DOCK1: variants seen among roughly 807,000 people sequenced by gnomAD.
The protein encoded by DOCK1 is dedicator of cytokinesis 1.
DOCK1 carries 138 observed loss-of-function variants against 262.7 expected under a neutral mutation model. The observed-to-expected ratio is 0.53, with a 90% CI of 0.46 to 0.61. The LOEUF is 0.61. Among genes scored for constraint, DOCK1 ranks in the 20% least tolerant of loss-of-function variants. The probability of loss-of-function intolerance (pLI) is 0.00; values close to 1 mark genes in which losing one functional copy is unlikely to be tolerated. For missense variants in DOCK1, 1,908 were observed against 2,370.7 expected (o/e 0.80, Z 4.05); for synonymous variants, 866 against 867.4 (o/e 1.00, Z 0.03).
chr10:127,301,862 C>A (rs979460638), intron 29 of DOCK1, among the ~76,000 whole-genome samples: 2 of 151,176 alleles, frequency 1.3e-5, no homozygotes, highest in African/African-American at 4.9e-5. Context: ...AGGAGAATCA[C>A]TTGAACCCAG....
chr10:127,152,020 TA>T (rs777753029), intron 27 of DOCK1, among the ~76,000 whole-genome samples: 23,385 of 152,178 alleles, frequency 0.15, 2,239 homozygotes, highest in African/African-American at 0.27. Context: ...CATATATATA[TA>T]TATTTTTTTT....
rs1302341847 is a variant in DOCK1 at position 126,938,945 on chromosome 10, TG to T, written c.47-31750del. On this transcript the variant is annotated intron_variant, in intron 1 of 51. Transcript: ENST00000623213. ...AGGATGAACACGGGGGGACGAACAC[TG>T]GGGGGGCGAACACCTGGGGGGACAA... is the stretch of plus-strand genomic sequence containing the variant. 1.0e-3 allele frequency among the ~76,000 whole-genome samples: 40 copies of T among 39,004 alleles called. No homozygotes were observed. In the South Asian group the frequency reaches 0.011, roughly 11 times the overall value. 25.6% of individuals were successfully genotyped at this position (39,004 alleles called of 152,430 possible).
chr10:127,166,130 A>G (rs969152323), intron 27 of DOCK1, among the ~76,000 whole-genome samples: 3 of 152,156 alleles, frequency 2.0e-5, no homozygotes, highest in African/African-American at 4.8e-5. Context: ...CAGGGGCACA[A>G]TCTCGGCTCA....
intron 27 of DOCK1, among the ~76,000 whole-genome samples, chr10:127,186,507 G>GACCCCCCCCCCC (rs2056257465): frequency 1.7e-4 from 1 of 5,912 alleles, no homozygotes; most frequent in Non-Finnish European, 5.3e-4. Context: ...GGGAGAAACC[G>GACCCCCCCCCCC]CCCCCCCGCC....
At chr10:127,090,978 A>G (rs1233260353) in intron 23 of DOCK1, among the ~76,000 whole-genome samples, 1 of 129,770 alleles carries the variant, frequency 7.7e-6, no homozygotes, top group South Asian at 2.4e-4. Context: ...TTGAACGTCT[A>G]TTTGGTTTTT....
At chr10:127,312,443 TG>T (rs2062096606) in intron 29 of DOCK1, among the ~76,000 whole-genome samples, 1 of 152,182 alleles carries the variant, frequency 6.6e-6, no homozygotes, top group South Asian at 2.1e-4. Context: ...GGGCACAGGC[TG>T]CTTCTTGCAT....
chr10:127,127,492 T>C (rs1434730712), intron 26 of DOCK1, among the ~76,000 whole-genome samples, 177 bp from the exon 27 acceptor site: 3 of 152,216 alleles, frequency 2.0e-5, no homozygotes, highest in Admixed American at 6.5e-5. Context: ...CTATAATTAA[T>C]AAAAACCCCT....
At chr10:126,918,894 G>A (rs957169819) in intron 1 of DOCK1, among the ~76,000 whole-genome samples, 1 of 151,976 alleles carries the variant, frequency 6.6e-6, no homozygotes, top group Non-Finnish European at 1.5e-5. Flanking sequence ...TGGGCACGGA[G>A]GATTCGGACA....
Position 127,451,630 on chromosome 10 carries a change from G to A in DOCK1, c.*203G>A, listed in dbSNP as rs1359058423. 1 of 1,286,752 alleles carries A rather than the reference G, an allele frequency of 7.8e-7. No individual in the cohort carries two copies. Among genetic ancestry groups the A allele is most frequent in the African/African-American group, 1.5e-5 (1 of 67,052 alleles). 79.7% of individuals were successfully genotyped at this position (1,286,752 alleles called of 1,614,324 possible). A position where few individuals can be genotyped will look rare whatever the true frequency, so the allele number is the denominator to read the frequency against. The stretch of plus-strand genomic sequence containing the variant: ...TGGAGCAAGGTGGGTCTGGGAGGTA[G>A]ATATGGGTCCGGGATGTGCTATCGT... On this transcript the variant is annotated 3_prime_UTR_variant, in exon 52 of 52. Transcript: ENST00000623213.
chr10:127,420,026 T>C (rs2068404106), intron 46 of DOCK1, among the ~76,000 whole-genome samples: 1 of 152,202 alleles, frequency 6.6e-6, no homozygotes, highest in African/African-American at 2.4e-5. Context: ...GAAAACTTTT[T>C]CTCTGTCTGT....
rs2033941770 is a variant in DOCK1, at chr10:126,928,500, C to CCA, written c.46+22937_46+22938insCA. On this transcript the variant is annotated intron_variant, in intron 1 of 51. Transcript: ENST00000623213. Reference sequence around the variant, plus strand: ...AGAGGAGGGACACATGAGAACTCAGCTGTGTCCTGAGAGCTGTGTCCTCGG... The same window carrying CCA: ...AGAGGAGGGACACATGAGAACTCAGCCATGTGTCCTGAGAGCTGTGTCCTCGG... Among the ~76,000 whole-genome samples the CCA allele has an allele frequency of 6.4e-4, 97 of 151,384 alleles. 4 individuals carry two copies. Among genetic ancestry groups the CCA allele is most frequent in the African/African-American group, 2.2e-3 (91 of 40,896 alleles).
chr10:127,350,652 G>A (rs183182286), intron 31 of DOCK1, among the ~76,000 whole-genome samples: 11 of 152,020 alleles, frequency 7.2e-5, no homozygotes, highest in Admixed American at 2.6e-4. Context: ...ATTAATGTTC[G>A]TCTCTCCTAC....
intron 27 of DOCK1, 126 bp from the exon 28 acceptor site, chr10:127,247,882 G>A: frequency 1.2e-6 from 1 of 834,274 alleles, no homozygotes; most frequent in South Asian, 1.7e-5. Context: ...GCAGAACCCA[G>A]GGCTCCCTGC....
intron 1 of DOCK1, among the ~76,000 whole-genome samples, chr10:126,919,984 G>A (rs1448041700): frequency 1.3e-5 from 2 of 152,282 alleles, no homozygotes; most frequent in East Asian, 3.9e-4. Flanking sequence ...CCACTTCCAG[G>A]ACTAAGGCAG....
Position 127,357,102 on chromosome 10 carries a change from C to G in DOCK1, c.3283+2375C>G, listed in dbSNP as rs562868699. On this transcript the variant is annotated intron_variant, in intron 32 of 51. Coordinates refer to ENST00000623213, the MANE Select transcript of DOCK1 (RefSeq NM_001290223.2). ...CATTTGACTCACCCTGGCCCCTGAG[C>G]ACCCCCAGGATCCTCCACTGCTCTC... 4.6e-5 allele frequency among the ~76,000 whole-genome samples: 7 copies of G among 152,310 alleles called. No homozygotes were observed. The South Asian group carries it at 1.4e-3, about 32-fold the overall frequency.
chr10:127,409,199 A>G (rs1465776598), intron 41 of DOCK1, 21 bp downstream of exon 41: 10 of 1,613,122 alleles, frequency 6.2e-6, no homozygotes, highest in Non-Finnish European at 8.5e-6. Context: ...AGACAACCTC[A>G]TCAACTCTGA....
chr10:127,447,788 C>T (rs1326781743), intron 51 of DOCK1, among the ~76,000 whole-genome samples: 1 of 152,208 alleles, frequency 6.6e-6, no homozygotes, highest in East Asian at 1.9e-4. Flanking sequence ...TGATATCATG[C>T]CTCAGAACGA....
At chr10:126,929,149 T>C (rs988930386) in intron 1 of DOCK1, among the ~76,000 whole-genome samples, 3,689 of 152,340 alleles carry the variant, frequency 0.024, 85 homozygotes, top group African/African-American at 0.062. Context: ...GAGCCTCTTA[T>C]GGGCTACATT....
At chr10:127,264,837 G>A (rs2060296893) in intron 29 of DOCK1, among the ~76,000 whole-genome samples, 1 of 152,052 alleles carries the variant, frequency 6.6e-6, no homozygotes, top group East Asian at 1.9e-4. Flanking sequence ...ATTTTTTGTG[G>A]GTTTATTTTC....
Sources: allele counts gnomAD v4.1 joint callset (sites outside exome capture counted in the v4.1 genomes callset), GRCh38; gene constraint gnomAD v4.1.1; transcripts MANE v1.5; gene names NCBI Gene and HGNC (gene_info 2026-07-23, HGNC 2026-07-21).